Variants in CFAP91 observed in about 807,000 individuals in gnomAD.
CFAP91 encodes cilia- and flagella-associated protein 91.
A neutral mutation model predicts 95.9 loss-of-function variants in CFAP91; 85 were observed. The ratio of observed to expected loss-of-function variants is 0.89; its 90% confidence interval spans 0.74 to 1.06. The LOEUF (loss-of-function observed/expected upper bound fraction) is 1.06. Among genes scored for constraint, CFAP91 ranks in the 50% least tolerant of loss-of-function variants. The probability of loss-of-function intolerance (pLI) is 0.00; values close to 1 mark genes in which losing one functional copy is unlikely to be tolerated. For synonymous variants in CFAP91, 335 were observed against 327.5 expected (o/e 1.02, Z -0.25); for missense variants, 962 against 943.4 (o/e 1.02, Z -0.26).
chr3:119,721,623 C>A (rs1277877420), intron 6 of CFAP91, among the ~76,000 whole-genome samples: 1 of 152,154 alleles, frequency 6.6e-6, no homozygotes, highest in Non-Finnish European at 1.5e-5. Context: ...GGATACTAAA[C>A]ATCCTGTACT....
chr3:119,748,512 CT>C (rs2054266822), intron 16 of CFAP91, among the ~76,000 whole-genome samples: 1 of 152,182 alleles, frequency 6.6e-6, no homozygotes, highest in African/African-American at 2.4e-5. Context: ...TGATGGCAGG[CT>C]TGATCCTAGA....
chr3:119,715,587 A>C lies in CFAP91; in HGVS notation c.526A>C (p.Thr176Pro), dbSNP rs750575398. 4 of 1,613,902 alleles carry C rather than the reference A, an allele frequency of 2.5e-6. No homozygotes were observed. Among genetic ancestry groups the C allele is most frequent in the African/African-American group, 2.7e-5 (2 of 74,896 alleles). The stretch of plus-strand genomic sequence containing the variant: ...GGCAGAACCATACACTTTTCCTCCT[A>C]CTTCTACTAAGCACCTATCCATCCC... ...SKAEPYTFPP[T>P]STKHLSIPSK... The change falls in exon 6 of 18, where the codon ACT becomes CCT. Residue 176 changes from threonine to proline, a missense_variant. Physicochemically the swap from Thr to Pro is conservative, Grantham distance 38 (BLOSUM62 -1). Transcript: ENST00000273390.
intron 3 of CFAP91, 27 bp from the exon 4 acceptor site, chr3:119,708,564 G>T: frequency 1.4e-6 from 2 of 1,446,136 alleles, no homozygotes; most frequent in Non-Finnish European, 1.9e-6. Context: ...TTTTAGACTT[G>T]AATAATGTTT....
intron 17 of CFAP91, among the ~76,000 whole-genome samples, chr3:119,751,335 AT>A (rs1221552907): frequency 1.3e-5 from 2 of 152,246 alleles, no homozygotes; most frequent in Non-Finnish European, 1.5e-5. Context: ...AGGACTCTAA[AT>A]TATTTTTATG....
intron 7 of CFAP91, among the ~76,000 whole-genome samples, chr3:119,729,657 GAAAGAAA>G (rs1413024402): frequency 6.6e-6 from 1 of 150,958 alleles, no homozygotes; most frequent in Non-Finnish European, 1.5e-5. Context: ...AAAAAAAAAA[GAAAGAAA>G]AAAGAAATAT....
At chr3:119,739,429 C>A in intron 12 of CFAP91, 103 bp downstream of exon 12, 1 of 993,592 alleles carries the variant, frequency 1.0e-6, no homozygotes, top group Non-Finnish European at 1.6e-6. Flanking sequence ...TTGCACCCTG[C>A]TATCCTATTC....
Position 119,715,576 on chromosome 3 carries a change from C to T in CFAP91, c.515C>T (p.Thr172Ile), listed in dbSNP as rs751791444. 1.9e-6 allele frequency: 3 copies of T among 1,614,056 alleles called. No individual in the cohort carries two copies. The highest frequency in any genetic ancestry group is 2.5e-6 in the Non-Finnish European group (3 of 1,179,924). The change falls in exon 6 of 18, where the codon ACT becomes ATT. Residue 172 changes from threonine (T) to isoleucine (I), a missense_variant. Coordinates refer to ENST00000273390, the MANE Select transcript of CFAP91 (RefSeq NM_033364.4). ...TTCTCTTTTAGGGCAGAACCATACA[C>T]TTTTCCTCCTACTTCTACTAAGCAC... The part of the protein sequence containing the change: ...VYAVSKAEPY[T>I]FPPTSTKHLS...
Position 119,707,451 on chromosome 3 carries a change from T to C in CFAP91, c.249T>C (p.Tyr83=). 1.3e-6 allele frequency: 2 copies of C among 1,589,980 alleles called. No homozygotes were observed. Among genetic ancestry groups the C allele is most frequent in the Non-Finnish European group, 1.7e-6 (2 of 1,163,818 alleles). ...CCATGTTCAGTAACCTGATCCATTA[T>C]CCAAGATATTCTCTATATTGGAGCA... ...FKTMFSNLIH[Y]PRYSLYWSKS... Residue 83 remains tyrosine, a synonymous_variant, in exon 3 of 18, where the codon TAT becomes TAC. Coordinates refer to ENST00000273390, the MANE Select transcript of CFAP91 (RefSeq NM_033364.4).
chr3:119,743,265 G>A (rs538008539), intron 13 of CFAP91, among the ~76,000 whole-genome samples: 1 of 151,608 alleles, frequency 6.6e-6, no homozygotes, highest in East Asian at 1.9e-4. Context: ...TTACAGGCAC[G>A]CACCACCACG....
At chr3:119,755,967 T>C (rs548381335) in intron 17 of CFAP91, among the ~76,000 whole-genome samples, 1 of 151,984 alleles carries the variant, frequency 6.6e-6, no homozygotes, top group South Asian at 2.1e-4. Flanking sequence ...GGAGAAAGAG[T>C]GAGTAGGCAT....
In CFAP91 at chr3:119,740,674, G is replaced by A; in HGVS notation, c.1659G>A (p.Gln553=). The A allele has an allele frequency of 6.2e-7, 1 of 1,614,182 alleles. No homozygotes were observed. The highest frequency in any genetic ancestry group is 1.1e-5 in the South Asian group (1 of 91,084). The change falls in exon 13 of 18, where the codon CAG becomes CAA. Residue 553 remains glutamine (Q), a synonymous_variant. Coordinates refer to ENST00000273390, the MANE Select transcript of CFAP91 (RefSeq NM_033364.4). The part of the protein sequence containing the change: ...EKQVTLALQR[Q]RNLHEHKVSL... ...AAGTGACCCTGGCCTTACAGCGGCA[G>A]AGGAACTTGCATGAGCACAAGGTTT...
chr3:119,720,652 AT>A (rs1204778024), intron 6 of CFAP91, among the ~76,000 whole-genome samples: 4 of 152,176 alleles, frequency 2.6e-5, no homozygotes, highest in Admixed American at 6.5e-5. Context: ...ATAAAAGTTA[AT>A]TTATTCATTT....
At chr3:119,746,151 T>C (rs1182476375) in intron 14 of CFAP91, among the ~76,000 whole-genome samples, 1 of 152,108 alleles carries the variant, frequency 6.6e-6, no homozygotes, top group Non-Finnish European at 1.5e-5. Context: ...GGTAGCAAAA[T>C]TATAGAGAAA....
chr3:119,722,754 A>G (rs1249927019), intron 6 of CFAP91, among the ~76,000 whole-genome samples: 1 of 151,940 alleles, frequency 6.6e-6, no homozygotes, highest in Non-Finnish European at 1.5e-5. Flanking sequence ...TCGGCCTCCA[A>G]AAGTGCTGGG....
intron 17 of CFAP91, among the ~76,000 whole-genome samples, chr3:119,757,825 A>C (rs964694140): frequency 6.6e-6 from 1 of 152,062 alleles, no homozygotes; most frequent in Non-Finnish European, 1.5e-5. Flanking sequence ...GGCTGGCCTG[A>C]TGGATTGGGG....
At chr3:119,754,577 G>C (rs190717270) in intron 17 of CFAP91, among the ~76,000 whole-genome samples, 1 of 152,338 alleles carries the variant, frequency 6.6e-6, no homozygotes, top group East Asian at 1.9e-4. Flanking sequence ...TGGACTTCTT[G>C]AATTAGACAG....
chr3:119,731,200 G>A (rs2053889887), intron 8 of CFAP91, among the ~76,000 whole-genome samples: 1 of 152,200 alleles, frequency 6.6e-6, no homozygotes, highest in African/African-American at 2.4e-5. Context: ...TAGCACCACT[G>A]CACTCCAGCC....
chr3:119,740,422 TGG>T lies in CFAP91; in HGVS notation c.1534-126_1534-125del, dbSNP rs957356308. 1.4e-5 allele frequency: 15 copies of T among 1,070,284 alleles called. No individual in the cohort carries two copies. The African/African-American group carries it at 2.2e-4, about 16-fold the overall frequency. 66.3% of individuals were successfully genotyped at this position (1,070,284 alleles called of 1,614,324 possible). Reference sequence around the variant, plus strand: ...AGCTCTGTGGGACACATCTGCTCTGTGGAACCCAAAAGGCAGGACAGAACCCA... The same window carrying T: ...AGCTCTGTGGGACACATCTGCTCTGTAACCCAAAAGGCAGGACAGAACCCA... On this transcript the variant is annotated intron_variant, in intron 12 of 17. Coordinates refer to ENST00000273390, the MANE Select transcript of CFAP91 (RefSeq NM_033364.4).
At chr3:119,762,634 G>A (rs1229119772) in intron 17 of CFAP91, among the ~76,000 whole-genome samples, 2 of 151,846 alleles carry the variant, frequency 1.3e-5, no homozygotes, top group African/African-American at 2.4e-5. Flanking sequence ...ACAGACCAAT[G>A]GAATGTAATA....
Sources: allele counts gnomAD v4.1 joint callset (sites outside exome capture counted in the v4.1 genomes callset), GRCh38; gene constraint gnomAD v4.1.1; transcripts MANE v1.5; gene names NCBI Gene and HGNC (gene_info 2026-07-23, HGNC 2026-07-21).